KCNT2: variants seen among roughly 807,000 people sequenced by gnomAD.
KCNT2 encodes potassium channel subfamily T member 2.
In KCNT2, 67 loss-of-function variants were observed where a neutral mutation model predicts 153.8. The observed-to-expected ratio is 0.44, with a 90% CI of 0.36 to 0.53. The LOEUF (loss-of-function observed/expected upper bound fraction) is 0.53, where lower values mean the gene tolerates loss of function less well. KCNT2 is among the 20% of genes least tolerant of loss of function. The pLI, the probability that KCNT2 is intolerant of heterozygous loss-of-function variation, is 0.00. For missense variants in KCNT2, 975 were observed against 1,354.8 expected (o/e 0.72, Z 4.40); for synonymous variants, 500 against 458.8 (o/e 1.09, Z -1.15).
At chr1:196,562,543 G>C (rs1158105172) in intron 1 of KCNT2, among the ~76,000 whole-genome samples, 1 of 151,862 alleles carries the variant, frequency 6.6e-6, no homozygotes, top group Non-Finnish European at 1.5e-5. Flanking sequence ...AAGAAATTTG[G>C]ACATGAAAGG....
chr1:196,376,430 T>C (rs999257053), intron 13 of KCNT2, among the ~76,000 whole-genome samples: 1 of 151,994 alleles, frequency 6.6e-6, no homozygotes, highest in African/African-American at 2.4e-5. Context: ...AATAGCTTCA[T>C]GGCAGTTCAG....
chr1:196,482,872 G>A (rs1679122417), intron 3 of KCNT2, among the ~76,000 whole-genome samples: 1 of 151,942 alleles, frequency 6.6e-6, no homozygotes, highest in Non-Finnish European at 1.5e-5. Flanking sequence ...AGTATGACTG[G>A]GGTTAACATA....
intron 13 of KCNT2, among the ~76,000 whole-genome samples, chr1:196,390,413 A>G (rs577813034): frequency 1.3e-5 from 2 of 151,606 alleles, no homozygotes; most frequent in East Asian, 3.9e-4. Flanking sequence ...AGATAAAATG[A>G]TTTTCTCAAT....
chr1:196,520,226 T>C (rs1653174213), intron 1 of KCNT2, among the ~76,000 whole-genome samples: 1 of 152,106 alleles, frequency 6.6e-6, no homozygotes, highest in Non-Finnish European at 1.5e-5. Flanking sequence ...TCTCAATAGA[T>C]GCAGAAAAGG....
At position 196,405,394 on chromosome 1, in the gene KCNT2, T is replaced by C. The variant is rs1640164884; in HGVS notation, c.1186-6723A>G. ...ACAGAACATTTTACCCAAAGTCAGTTTGCCTAAAAATTAAATTAGTGAAGA... is the reference window on the plus strand; with the variant it reads ...ACAGAACATTTTACCCAAAGTCAGTCTGCCTAAAAATTAAATTAGTGAAGA... On this transcript the variant is annotated intron_variant, in intron 12 of 27. Transcript: ENST00000294725. Among the ~76,000 whole-genome samples the C allele has an allele frequency of 3.3e-5, 5 of 151,488 alleles. No individual in the cohort carries two copies. The Admixed American group carries it at 3.3e-4, about 10-fold the overall frequency.
chr1:196,350,971 C>T (rs1217221341), intron 14 of KCNT2, among the ~76,000 whole-genome samples: 7 of 152,156 alleles, frequency 4.6e-5, no homozygotes, highest in Non-Finnish European at 1.0e-4. Flanking sequence ...ATCCTTTCCC[C>T]ATTGCTTGTT....
chr1:196,371,570 T>C (rs978341887), intron 14 of KCNT2, among the ~76,000 whole-genome samples: 1 of 152,104 alleles, frequency 6.6e-6, no homozygotes. Context: ...TGTGACACAG[T>C]TGTAAAATAA....
intron 21 of KCNT2, among the ~76,000 whole-genome samples, chr1:196,309,435 AC>A: frequency 6.6e-6 from 1 of 152,008 alleles, no homozygotes; most frequent in South Asian, 2.1e-4. Flanking sequence ...TGGTTGAGTG[AC>A]CCAGTCCTTG....
chr1:196,428,666 C>T (rs1673863092), intron 9 of KCNT2, among the ~76,000 whole-genome samples: 1 of 152,056 alleles, frequency 6.6e-6, no homozygotes, highest in Admixed American at 6.6e-5. Flanking sequence ...AGGCCACATT[C>T]TAGCTGTACA....
At chr1:196,568,926 T>C (rs1660452211) in intron 1 of KCNT2, among the ~76,000 whole-genome samples, 1 of 152,116 alleles carries the variant, frequency 6.6e-6, no homozygotes, top group Admixed American at 6.5e-5. Flanking sequence ...GTAAAATCTA[T>C]TGATGTGCTC....
At chr1:196,341,773 T>G (rs929850932) in intron 15 of KCNT2, among the ~76,000 whole-genome samples, 12 of 152,170 alleles carry the variant, frequency 7.9e-5, no homozygotes, top group Admixed American at 3.3e-4. Flanking sequence ...ATCAACATCT[T>G]AAAATTCAGA....
intron 1 of KCNT2, among the ~76,000 whole-genome samples, chr1:196,493,603 C>A (rs977308584): frequency 2.6e-5 from 4 of 151,836 alleles, no homozygotes; most frequent in African/African-American, 4.8e-5. Flanking sequence ...GCAGAACGTG[C>A]AGGTTTGTTA....
chr1:196,458,919 T>C (rs1277948691), intron 8 of KCNT2, among the ~76,000 whole-genome samples: 1 of 151,930 alleles, frequency 6.6e-6, no homozygotes, highest in African/African-American at 2.4e-5. Flanking sequence ...AACACTTTCA[T>C]CCATTCCTGT....
chr1:196,422,130 T>C (rs1348066767), intron 12 of KCNT2, among the ~76,000 whole-genome samples: 1 of 151,906 alleles, frequency 6.6e-6, no homozygotes, highest in African/African-American at 2.4e-5. Context: ...GATGAGAAAA[T>C]CAGTTTAAAC....
intron 7 of KCNT2, among the ~76,000 whole-genome samples, chr1:196,465,972 T>C (rs1677578352): frequency 1.3e-5 from 2 of 152,060 alleles, no homozygotes; most frequent in African/African-American, 4.8e-5. Context: ...ACCAGAACTG[T>C]TATGAAGACA....
chr1:196,260,765 C>CAAAT (rs1656938818), intron 25 of KCNT2, among the ~76,000 whole-genome samples: 1 of 151,756 alleles, frequency 6.6e-6, no homozygotes, highest in Non-Finnish European at 1.5e-5. Context: ...AATTTGAGTT[C>CAAAT]TGTTTTGAAT....
Position 196,334,475 on chromosome 1 carries a change from C to A in KCNT2, c.1784-415G>T, listed in dbSNP as rs368722897. Among the ~76,000 whole-genome samples, 34 of 41,934 alleles carry A rather than the reference C, an allele frequency of 8.1e-4. 1 individual carries two copies. The highest frequency in any genetic ancestry group is 1.2e-3 in the Non-Finnish European group (29 of 24,054). The allele number at this position is 41,934 out of a possible 152,430, so 27.5% of individuals were successfully genotyped here. On this transcript the variant is annotated intron_variant, in intron 16 of 27. Transcript: ENST00000294725. ...CCCCTCTTTGCTTTTTCTTTTATTT[C>A]TTTCTTTCTTTCTTTTTTTTTTTTA...
intron 8 of KCNT2, among the ~76,000 whole-genome samples, chr1:196,463,814 T>G (rs1677370490): frequency 6.6e-6 from 1 of 151,782 alleles, no homozygotes; most frequent in Admixed American, 6.6e-5. Context: ...ATAGAAGTAC[T>G]AGGCAGAAAG....
chr1:196,284,407 A>C (rs1659458099), intron 23 of KCNT2, among the ~76,000 whole-genome samples: 1 of 149,524 alleles, frequency 6.7e-6, no homozygotes, highest in African/African-American at 2.4e-5. Context: ...TCTATAGAAC[A>C]GTTTTTAGAA....
Sources: gnomAD v4.1 joint callset for allele counts (sites outside exome capture counted in the v4.1 genomes callset) on GRCh38, gnomAD v4.1.1 for gene constraint, MANE v1.5 for transcripts, NCBI Gene and HGNC (gene_info 2026-07-23, HGNC 2026-07-21) for gene names.